The following TJP1 variants were observed in gnomAD, a reference collection of about 807,000 sequenced individuals.
TJP1 encodes tight junction protein 1, also known as tight junction protein ZO-1.
In TJP1, 43 loss-of-function variants were observed where a neutral mutation model predicts 194.2. The ratio of observed to expected loss-of-function variants is 0.22; its 90% confidence interval spans 0.17 to 0.29. The LOEUF (loss-of-function observed/expected upper bound fraction) is 0.29, where lower values mean the gene tolerates loss of function less well. TJP1 is among the 10% of genes least tolerant of loss of function. The probability of loss-of-function intolerance (pLI) is 1.00; values close to 1 mark genes in which losing one functional copy is unlikely to be tolerated. For synonymous variants in TJP1, 801 were observed against 779.0 expected (o/e 1.03, Z -0.47); for missense variants, 1,971 against 2,185.7 (o/e 0.90, Z 1.96).
At chr15:29,858,010 G>A (rs1014868008) in intron 2 of TJP1, among the ~76,000 whole-genome samples, 5 of 152,072 alleles carry the variant, frequency 3.3e-5, no homozygotes, top group African/African-American at 4.8e-5. Context: ...TGATTCACCC[G>A]CCTCAGTCTC....
intron 8 of TJP1, among the ~76,000 whole-genome samples, chr15:29,760,775 C>T (rs2045951148): frequency 6.6e-6 from 1 of 152,196 alleles, no homozygotes; most frequent in South Asian, 2.1e-4. Context: ...ATTTCTGAAG[C>T]TTGCTAGCAT....
chr15:29,827,734 A>G (rs1274045630), intron 2 of TJP1, among the ~76,000 whole-genome samples: 5 of 152,220 alleles, frequency 3.3e-5, no homozygotes, highest in African/African-American at 1.2e-4. Context: ...GTCAGGATGG[A>G]AACCCTGGAA....
At chr15:29,802,341 T>C (rs892200921) in intron 1 of TJP1, among the ~76,000 whole-genome samples, 3 of 152,150 alleles carry the variant, frequency 2.0e-5, no homozygotes, top group Non-Finnish European at 4.4e-5. Flanking sequence ...GCGACTTTAA[T>C]TGAAGATTAA....
intron 2 of TJP1, among the ~76,000 whole-genome samples, chr15:29,879,230 G>T (rs1308718549): frequency 6.6e-6 from 1 of 152,230 alleles, no homozygotes; most frequent in Non-Finnish European, 1.5e-5. Context: ...ATAGGCTAAA[G>T]AGAGGATCAA....
intron 2 of TJP1, among the ~76,000 whole-genome samples, chr15:29,949,594 AACCACCACCTCCACCTTCACCACCACC>A (rs1567225517): frequency 0.013 from 145 of 11,582 alleles, 3 homozygotes; most frequent in African/African-American, 0.044. Context: ...CCACCTCCAC[AACCACCACCTCCACCTTCACCACCACC>A]ACCTCCACCT....
chr15:29,942,815 C>T (rs1488452264), intron 2 of TJP1, among the ~76,000 whole-genome samples: 1 of 152,100 alleles, frequency 6.6e-6, no homozygotes, highest in African/African-American at 2.4e-5. Context: ...AGGGCAGGCC[C>T]GGGGGGACCT....
chr15:29,934,311 T>C (rs981719825), intron 2 of TJP1, among the ~76,000 whole-genome samples: 2 of 152,240 alleles, frequency 1.3e-5, no homozygotes, highest in Non-Finnish European at 2.9e-5. Flanking sequence ...ACATGGTCAA[T>C]TGCATAATTG....
At chr15:29,706,719 G>A (rs764127961) in intron 25 of TJP1, among the ~76,000 whole-genome samples, 3 of 152,006 alleles carry the variant, frequency 2.0e-5, no homozygotes, top group Non-Finnish European at 2.9e-5. Flanking sequence ...AGAGTACAGC[G>A]GTGCAATCTT....
At chr15:29,810,287 A>C (rs958923027) in intron 1 of TJP1, among the ~76,000 whole-genome samples, 2 of 152,206 alleles carry the variant, frequency 1.3e-5, no homozygotes, top group African/African-American at 4.8e-5. Flanking sequence ...GTAATGTGGG[A>C]ATTCATTATA....
At chr15:29,910,777 C>T (rs114033973) in intron 2 of TJP1, among the ~76,000 whole-genome samples, 2,079 of 152,246 alleles carry the variant, frequency 0.014, 51 homozygotes, top group African/African-American at 0.047. Flanking sequence ...AAAAATAACA[C>T]GCTACAAGCA....
At chr15:29,846,015 T>G (rs151153853) in intron 2 of TJP1, among the ~76,000 whole-genome samples, 1 of 151,858 alleles carries the variant, frequency 6.6e-6, no homozygotes, top group South Asian at 2.1e-4. Context: ...TTCTCCATCA[T>G]CCCAAACTGC....
chr15:29,948,911 A>G (rs978708972), intron 2 of TJP1, among the ~76,000 whole-genome samples: 1 of 151,624 alleles, frequency 6.6e-6, no homozygotes, highest in Non-Finnish European at 1.5e-5. Context: ...TCTACTACTA[A>G]TAACACCTCC....
At chr15:29,891,383 T>C (rs1246377048) in intron 2 of TJP1, among the ~76,000 whole-genome samples, 1 of 152,204 alleles carries the variant, frequency 6.6e-6, no homozygotes, top group African/African-American at 2.4e-5. Context: ...GCAGTAAAAA[T>C]GTAAAATGTG....
chr15:29,746,796 T>C (rs2044816777), intron 8 of TJP1, among the ~76,000 whole-genome samples: 1 of 152,122 alleles, frequency 6.6e-6, no homozygotes, highest in African/African-American at 2.4e-5. Context: ...GAATAAAAAA[T>C]AAGTACTTTG....
intron 10 of TJP1, among the ~76,000 whole-genome samples, chr15:29,739,698 G>A (rs2044268914): frequency 6.6e-6 from 1 of 152,050 alleles, no homozygotes; most frequent in African/African-American, 2.4e-5. Flanking sequence ...GCCCACCTCG[G>A]ACTCCCAAAG....
At chr15:29,863,130 T>C (rs2152105833) in intron 2 of TJP1, among the ~76,000 whole-genome samples, 1 of 151,286 alleles carries the variant, frequency 6.6e-6, no homozygotes, top group East Asian at 2.0e-4. Flanking sequence ...CCCCCATCTG[T>C]ACTAAAAACA....
chr15:29,863,449 C>T lies in TJP1; in HGVS notation c.307-62747G>A, dbSNP rs181746750. Among the ~76,000 whole-genome samples, 279 of 152,238 alleles carry T rather than the reference C, an allele frequency of 1.8e-3. 2 individuals are homozygous for T. Among genetic ancestry groups the T allele is most frequent in the African/African-American group, 6.1e-3 (253 of 41,542 alleles). On this transcript the variant is annotated intron_variant, in intron 2 of 28. Transcript: ENST00000356107. ...TCAGCTCACAACGAGTTCTCAGATG[C>T]GGCTGGCAGATATGTGTTGTTTGGC...
chr15:29,851,471 C>A (rs2051639362), intron 2 of TJP1, among the ~76,000 whole-genome samples: 2 of 152,064 alleles, frequency 1.3e-5, no homozygotes, highest in African/African-American at 4.8e-5. Flanking sequence ...AAACCAATAT[C>A]TAATTTAAAA....
At chr15:29,952,924 A>G (rs965266080) in intron 2 of TJP1, among the ~76,000 whole-genome samples, 8 of 152,152 alleles carry the variant, frequency 5.3e-5, no homozygotes, top group African/African-American at 1.9e-4. Flanking sequence ...TTCTATTCCT[A>G]TGTAATTAGA....
Sources: gnomAD v4.1 joint callset for allele counts (sites outside exome capture counted in the v4.1 genomes callset) on GRCh38, gnomAD v4.1.1 for gene constraint, MANE v1.5 for transcripts, NCBI Gene and HGNC (gene_info 2026-07-23, HGNC 2026-07-21) for gene names.